Variants in NFAT5 observed in about 807,000 individuals in gnomAD.
NFAT5 encodes the protein nuclear factor of activated T-cells 5.
In NFAT5, 31 loss-of-function variants were observed where a neutral mutation model predicts 166.5. The observed-to-expected ratio is 0.19, with a 90% confidence interval of 0.14 to 0.25. The LOEUF (loss-of-function observed/expected upper bound fraction) is 0.25, where lower values mean the gene tolerates loss of function less well. NFAT5 is among the 10% of genes least tolerant of loss of function. NFAT5 has a pLI of 1.00. For synonymous variants in NFAT5, 612 were observed against 639.7 expected, an observed-to-expected ratio of 0.96 and a Z score of 0.65; for missense variants, 1,449 against 1,821.8, an observed-to-expected ratio of 0.80 and a Z score of 3.72.
intron 10 of NFAT5, among the ~76,000 whole-genome samples, chr16:69,680,469 T>C (rs1403230152): frequency 6.6e-6 from 1 of 152,312 alleles, no homozygotes. Context: ...TTATTAGAAA[T>C]TGGCCTTTGA....
At chr16:69,593,605 A>T (rs1307952532) in intron 2 of NFAT5, among the ~76,000 whole-genome samples, 1 of 152,100 alleles carries the variant, frequency 6.6e-6, no homozygotes, top group Non-Finnish European at 1.5e-5. Flanking sequence ...AGGAGCCACC[A>T]TGCCCGGCCT....
intron 3 of NFAT5, among the ~76,000 whole-genome samples, chr16:69,640,510 G>A (rs1447237219): frequency 2.0e-5 from 3 of 152,196 alleles, no homozygotes; most frequent in Non-Finnish European, 2.9e-5. Flanking sequence ...TTGGCAACAT[G>A]AGTGTTGGCC....
intron 2 of NFAT5, among the ~76,000 whole-genome samples, chr16:69,589,985 A>AC (rs34345684): frequency 4.6e-5 from 7 of 151,362 alleles, no homozygotes; most frequent in Admixed American, 4.0e-4. Context: ...AGCAAGACCA[A>AC]CCCCCCTCCC....
At position 69,692,265 on chromosome 16, in the gene NFAT5, G is replaced by C. The variant is rs747869677; in HGVS notation, c.2440G>C (p.Asp814His). Residue 814 changes from aspartate to histidine, a missense_variant, in exon 13 of 15, where the codon GAC becomes CAC. Transcript: ENST00000349945. The part of the protein sequence containing the change: ...STASGSSGSV[D>H]LVQQVLEAQQ... ...TGCTAGTGGCAGCAGTGGAAGTGTT[G>C]ACTTGGTCCAACAAGTTTTAGAGGC... 6.2e-7 allele frequency: 1 copy of C among 1,614,148 alleles called. No homozygotes were observed. Among genetic ancestry groups the C allele is most frequent in the Non-Finnish European group, 8.5e-7 (1 of 1,180,034 alleles).
At chr16:69,598,917 G>C (rs2032966426) in intron 2 of NFAT5, among the ~76,000 whole-genome samples, 1 of 151,558 alleles carries the variant, frequency 6.6e-6, no homozygotes, top group South Asian at 2.1e-4. Context: ...AGGAGGGTGA[G>C]GCAGGAAAAT....
intron 3 of NFAT5, among the ~76,000 whole-genome samples, chr16:69,641,022 G>C (rs2035184287): frequency 6.6e-6 from 1 of 150,968 alleles, no homozygotes; most frequent in African/African-American, 2.4e-5. Context: ...GCTCACACCT[G>C]TAATCCCAGC....
chr16:69,693,498 G>A lies in NFAT5; in HGVS notation c.3673G>A (p.Gly1225Ser), dbSNP rs377262455. 1.4e-5 allele frequency: 23 copies of A among 1,613,966 alleles called. No homozygotes were observed. Among genetic ancestry groups the A allele is most frequent in the Non-Finnish European group, 1.8e-5 (21 of 1,180,032 alleles). The change falls in exon 13 of 15, where the codon GGT becomes AGT. Residue 1225 changes from glycine (G) to serine (S), a missense_variant. Coordinates refer to ENST00000349945, the MANE Select transcript of NFAT5 (RefSeq NM_138713.4). ...AGAACAGGCACAACCCCCGCAGCAG[G>A]GTTTATTTCAGCCTCAGGTGGCCCT... is the stretch of plus-strand genomic sequence containing the variant. Reference protein sequence around the residue: ...SQEQAQPPQQGLFQPQVALGS... With the variant: ...SQEQAQPPQQSLFQPQVALGS...
At chr16:69,610,342 T>C (rs1430806063) in intron 2 of NFAT5, among the ~76,000 whole-genome samples, 1 of 152,226 alleles carries the variant, frequency 6.6e-6, no homozygotes, top group Non-Finnish European at 1.5e-5. Flanking sequence ...TTTTTTTGGT[T>C]TTTGTTTGTC....
intron 1 of NFAT5, among the ~76,000 whole-genome samples, chr16:69,567,142 C>T (rs1030786483): frequency 1.3e-5 from 2 of 152,216 alleles, no homozygotes; most frequent in Non-Finnish European, 2.9e-5. Context: ...GAGGACCAGC[C>T]CAGGCACAGA....
At chr16:69,662,474 T>G (rs1034800730) in intron 7 of NFAT5, among the ~76,000 whole-genome samples, 1 of 113,432 alleles carries the variant, frequency 8.8e-6, no homozygotes, top group Admixed American at 1.0e-4. Flanking sequence ...TTTTTTTTTT[T>G]GAGACGGAGT....
intron 5 of NFAT5, among the ~76,000 whole-genome samples, chr16:69,653,837 T>C (rs1021014705): frequency 5.9e-5 from 9 of 152,040 alleles, no homozygotes; most frequent in African/African-American, 1.4e-4. Flanking sequence ...GGAAGAAATA[T>C]TAAAGTGAAT....
chr16:69,670,159 T>C (rs1347442741), intron 8 of NFAT5, 48 bp downstream of exon 8: 5 of 1,596,170 alleles, frequency 3.1e-6, no homozygotes, highest in Non-Finnish European at 4.3e-6. Flanking sequence ...TTTCACTTTG[T>C]TATATGGATA....
chr16:69,619,081 A>G (rs575726311), intron 2 of NFAT5, among the ~76,000 whole-genome samples: 1 of 152,306 alleles, frequency 6.6e-6, no homozygotes, highest in Non-Finnish European at 1.5e-5. Flanking sequence ...TTACTATTTG[A>G]AAGTAAATAA....
At chr16:69,686,470 C>G (rs1170595160) in intron 11 of NFAT5, among the ~76,000 whole-genome samples, 1 of 152,162 alleles carries the variant, frequency 6.6e-6, no homozygotes, top group Non-Finnish European at 1.5e-5. Flanking sequence ...GTGCATTGAG[C>G]TGTGATCGTA....
At chr16:69,631,294 G>C (rs576858857) in intron 3 of NFAT5, among the ~76,000 whole-genome samples, 1 of 152,068 alleles carries the variant, frequency 6.6e-6, no homozygotes, top group Non-Finnish European at 1.5e-5. Flanking sequence ...AGCTGGGCAT[G>C]GTGGCAGGCT....
chr16:69,626,987 A>T (rs534869368), intron 3 of NFAT5, among the ~76,000 whole-genome samples: 1 of 152,158 alleles, frequency 6.6e-6, no homozygotes, highest in Admixed American at 6.5e-5. Context: ...TATTATATTT[A>T]AAAATATATG....
At chr16:69,656,337 A>AAGTG (rs2035877969) in intron 6 of NFAT5, among the ~76,000 whole-genome samples, 2 of 151,942 alleles carry the variant, frequency 1.3e-5, no homozygotes, top group Admixed American at 1.3e-4. Flanking sequence ...AATCAAAGCC[A>AAGTG]AGTGGAAAGC....
intron 2 of NFAT5, among the ~76,000 whole-genome samples, chr16:69,605,736 T>C (rs2033369811): frequency 6.6e-6 from 1 of 151,958 alleles, no homozygotes; most frequent in Admixed American, 6.6e-5. Context: ...AGACGGAGTC[T>C]CGTTCTGTCG....
chr16:69,643,492 GCTTA>G (rs2035305887), intron 3 of NFAT5, among the ~76,000 whole-genome samples: 1 of 151,444 alleles, frequency 6.6e-6, no homozygotes, highest in South Asian at 2.1e-4. Flanking sequence ...AGGTAATTTG[GCTTA>G]CTTATAATTT....
Sources: gnomAD v4.1 joint callset for allele counts (sites outside exome capture counted in the v4.1 genomes callset) on GRCh38, gnomAD v4.1.1 for gene constraint, MANE v1.5 for transcripts, NCBI Gene and HGNC (gene_info 2026-07-23, HGNC 2026-07-21) for gene names.